TMEM135: variants seen among roughly 807,000 people sequenced by gnomAD.
The protein encoded by TMEM135 is peroxisomal membrane protein 52.
Under a neutral mutation model 60.3 loss-of-function variants are expected in TMEM135, and 30 were observed. The ratio of observed to expected loss-of-function variants is 0.50; its 90% CI spans 0.37 to 0.68. TMEM135 has a LOEUF of 0.68. Ranked by LOEUF, TMEM135 falls within the 30% of genes least tolerant of loss-of-function variation. The pLI is 0.00. For synonymous variants in TMEM135, 190 were observed against 186.7 expected (o/e 1.02, Z -0.14); for missense variants, 468 against 548.8 (o/e 0.85, Z 1.47).
intron 4 of TMEM135, among the ~76,000 whole-genome samples, chr11:87,107,628 G>A (rs183128849): frequency 1.9e-4 from 29 of 152,248 alleles, no homozygotes; most frequent in South Asian, 8.3e-4. Flanking sequence ...ATTCCATGGC[G>A]TGTATGTGCC....
At chr11:87,145,289 A>G (rs57722340) in intron 4 of TMEM135, among the ~76,000 whole-genome samples, 19,643 of 152,234 alleles carry the variant, frequency 0.13, 1,338 homozygotes, top group Middle Eastern at 0.15. Context: ...ATAGTATTCC[A>G]TAGTGTAAAT....
intron 1 of TMEM135, among the ~76,000 whole-genome samples, chr11:87,057,096 C>T (rs894635954): frequency 6.6e-6 from 1 of 152,142 alleles, no homozygotes; most frequent in Non-Finnish European, 1.5e-5. Flanking sequence ...TGGTATTACT[C>T]AGTTTTGAAC....
In TMEM135 at chr11:87,328,031, A is replaced by G. The variant is rs1389489334; in HGVS notation, c.*6698A>G. Reference sequence around the variant, plus strand: ...AAACACCCTCACAGACACACCCCAAAATAATGCCTTACCAGTTCTCTAGAT... The same window carrying G: ...AAACACCCTCACAGACACACCCCAAGATAATGCCTTACCAGTTCTCTAGAT... On this transcript the variant is annotated 3_prime_UTR_variant, in exon 15 of 15. Transcript: ENST00000305494. 2.2e-6 allele frequency: 1 copy of G among 454,026 alleles called. No homozygotes were observed. Among genetic ancestry groups the G allele is most frequent in the Non-Finnish European group, 4.4e-6 (1 of 226,768 alleles). 28.1% of individuals were successfully genotyped at this position (454,026 alleles called of 1,614,324 possible). A position where few individuals can be genotyped will look rare whatever the true frequency, so the allele number is the denominator to read the frequency against.
chr11:87,121,216 A>G (rs1485931347), intron 4 of TMEM135: 1 of 152,148 alleles, frequency 6.6e-6, no homozygotes, highest in African/African-American at 2.4e-5. Flanking sequence ...TCCTGAGTTG[A>G]TGGGGCATAT....
intron 6 of TMEM135, among the ~76,000 whole-genome samples, chr11:87,280,959 A>T (rs6592345): frequency 0.37 from 55,699 of 152,038 alleles, 10,883 homozygotes; most frequent in Non-Finnish European, 0.43. Flanking sequence ...TGATAAATTC[A>T]TACTATAATC....
At chr11:87,064,898 A>C (rs183074571) in intron 1 of TMEM135, among the ~76,000 whole-genome samples, 47 of 152,172 alleles carry the variant, frequency 3.1e-4, no homozygotes, top group African/African-American at 1.1e-3. Flanking sequence ...AAAGAAACCC[A>C]AAAAAACAAT....
chr11:87,069,361 C>T lies in TMEM135; in HGVS notation c.269+1540C>T, dbSNP rs189560019. 2.0e-5 allele frequency among the ~76,000 whole-genome samples: 3 copies of T among 149,988 alleles called. No homozygotes were observed. The East Asian group carries it at 5.9e-4, about 29-fold the overall frequency. ...TTTAAAAAAATTGCAGTTAAGTATACCTTGCTATTGCAGCATCTTTATGTT... is the reference window on the plus strand; with the variant it reads ...TTTAAAAAAATTGCAGTTAAGTATATCTTGCTATTGCAGCATCTTTATGTT... On this transcript the variant is annotated intron_variant, in intron 2 of 14. Coordinates refer to ENST00000305494, the MANE Select transcript of TMEM135 (RefSeq NM_022918.4).
At chr11:87,248,182 G>A (rs1941332727) in intron 6 of TMEM135, among the ~76,000 whole-genome samples, 1 of 152,136 alleles carries the variant, frequency 6.6e-6, no homozygotes. Context: ...ATATCTCTTT[G>A]ATATACTGAT....
intron 5 of TMEM135, among the ~76,000 whole-genome samples, chr11:87,176,563 G>T (rs1939373695): frequency 6.6e-6 from 1 of 152,164 alleles, no homozygotes; most frequent in African/African-American, 2.4e-5. Flanking sequence ...GAGAAGATTT[G>T]TATTTAATGA....
chr11:87,239,282 A>G lies in TMEM135; in HGVS notation c.509+2598A>G, dbSNP rs140212841. ...TTGTTTTTCTCCTAAAAGAAGTACT[A>G]TCACCAAATTCGCTGTTCTTGGCAG... On this transcript the variant is annotated intron_variant, in intron 6 of 14. Transcript: ENST00000305494. Among the ~76,000 whole-genome samples, 504 of 152,248 alleles carry G rather than the reference A, an allele frequency of 3.3e-3. 2 individuals are homozygous for G. The highest frequency in any genetic ancestry group is 0.011 in the African/African-American group (463 of 41,566).
At chr11:87,084,065 T>TCAA in intron 3 of TMEM135, among the ~76,000 whole-genome samples, 1 of 152,264 alleles carries the variant, frequency 6.6e-6, no homozygotes, top group African/African-American at 2.4e-5. Flanking sequence ...GTGTGATATG[T>TCAA]AGTATTATTC....
intron 12 of TMEM135, among the ~76,000 whole-genome samples, chr11:87,316,019 C>A (rs942920392): frequency 1.3e-5 from 2 of 151,856 alleles, no homozygotes; most frequent in Non-Finnish European, 2.9e-5. Context: ...TAGAATCAGT[C>A]TTCTCTGTAA....
In TMEM135 at chr11:87,326,328, G is replaced by A. The variant is rs746087415; in HGVS notation, c.*4995G>A. 9 of 454,004 alleles carry A rather than the reference G, an allele frequency of 2.0e-5. No individual in the cohort carries two copies. The highest frequency in any genetic ancestry group is 1.2e-4 in the South Asian group (8 of 64,472). 28.1% of individuals were successfully genotyped at this position (454,004 alleles called of 1,614,324 possible). ...AGACCTGTAGACCTATGTTGGCTGAGGTCACCCTGCATTACTACTTTCCTC... is the reference window on the plus strand; with the variant it reads ...AGACCTGTAGACCTATGTTGGCTGAAGTCACCCTGCATTACTACTTTCCTC... On this transcript the variant is annotated 3_prime_UTR_variant, in exon 15 of 15. Coordinates refer to ENST00000305494, the MANE Select transcript of TMEM135 (RefSeq NM_022918.4).
intron 3 of TMEM135, 109 bp downstream of exon 3, chr11:87,071,724 A>C (rs992162977): frequency 1.5e-6 from 1 of 683,264 alleles, no homozygotes; most frequent in African/African-American, 1.9e-5. Flanking sequence ...ATTTCTAGAT[A>C]TATTTTTTCG....
intron 4 of TMEM135, among the ~76,000 whole-genome samples, chr11:87,100,626 C>T (rs185980380): frequency 1.3e-5 from 2 of 152,194 alleles, no homozygotes; most frequent in East Asian, 3.9e-4. Context: ...ATTTTGGAGG[C>T]CAAGGCAAGT....
chr11:87,258,428 C>G (rs1941575156), intron 6 of TMEM135, among the ~76,000 whole-genome samples: 1 of 152,090 alleles, frequency 6.6e-6, no homozygotes, highest in South Asian at 2.1e-4. Flanking sequence ...TGCATTTTGT[C>G]TGTTTTACAT....
At chr11:87,317,483 T>G (rs1375939425) in intron 12 of TMEM135, among the ~76,000 whole-genome samples, 1 of 152,198 alleles carries the variant, frequency 6.6e-6, no homozygotes, top group Non-Finnish European at 1.5e-5. Flanking sequence ...CCTCAGTATA[T>G]ACTTTTGGAT....
chr11:87,296,220 T>A (rs1461130810), intron 7 of TMEM135, among the ~76,000 whole-genome samples: 1 of 152,188 alleles, frequency 6.6e-6, no homozygotes, highest in Non-Finnish European at 1.5e-5. Flanking sequence ...GATTCGATTT[T>A]AAGTATCACT....
intron 5 of TMEM135, among the ~76,000 whole-genome samples, chr11:87,206,993 C>T (rs1055285727): frequency 1.3e-4 from 20 of 152,082 alleles, no homozygotes; most frequent in East Asian, 3.8e-4. Flanking sequence ...ATCATTAAGA[C>T]GTTCATTTTA....
Sources: gnomAD v4.1 joint callset for allele counts (sites outside exome capture counted in the v4.1 genomes callset) on GRCh38, gnomAD v4.1.1 for gene constraint, MANE v1.5 for transcripts, NCBI Gene and HGNC (gene_info 2026-07-23, HGNC 2026-07-21) for gene names.